COLEC10: variants seen among roughly 807,000 people sequenced by gnomAD.
COLEC10 encodes the protein collectin-10.
COLEC10 carries 22 observed loss-of-function variants against 28.4 expected under a neutral mutation model. The observed-to-expected ratio is 0.78, with a 90% CI of 0.55 to 1.11. The LOEUF is 1.11. Ranked by LOEUF, COLEC10 falls within the 50% of genes least tolerant of loss-of-function variation. The probability of loss-of-function intolerance (pLI) is 0.00; values close to 1 mark genes in which losing one functional copy is unlikely to be tolerated. For synonymous variants in COLEC10, 125 were observed against 116.1 expected, an observed-to-expected ratio of 1.08 and a Z score of -0.49; for missense variants, 361 against 344.1, an observed-to-expected ratio of 1.05 and a Z score of -0.39.
the COLEC10 span, chr8:118,976,450 G>C: frequency 6.6e-6 from 1 of 152,056 alleles, no homozygotes; most frequent in African/African-American, 2.4e-5. Context: ...ATTGTAATGT[G>C]ACTTTCCTTT....
intron 2 of COLEC10, among the ~76,000 whole-genome samples, chr8:119,017,350 T>C (rs1289387410): frequency 6.6e-6 from 1 of 152,332 alleles, no homozygotes; most frequent in African/African-American, 2.4e-5. Context: ...CCTTTGGTGA[T>C]CAGCAATTTA....
At chr8:118,971,371 C>T in the COLEC10 span, among the ~76,000 whole-genome samples, 1 of 151,878 alleles carries the variant, frequency 6.6e-6, no homozygotes, top group African/African-American at 2.4e-5. Context: ...TTCCAGTAAC[C>T]ATATCATCTT....
chr8:119,031,862 T>G (rs932370357), intron 2 of COLEC10, among the ~76,000 whole-genome samples: 3 of 151,800 alleles, frequency 2.0e-5, no homozygotes, highest in African/African-American at 7.3e-5. Context: ...TAATGTCACA[T>G]CTTAAAGAAT....
chr8:119,020,135 C>T lies in COLEC10; in HGVS notation n.235+10582C>T, dbSNP rs560537181. Among the ~76,000 whole-genome samples, 6 of 152,194 alleles carry T rather than the reference C, an allele frequency of 3.9e-5. No homozygotes were observed. In the East Asian group the frequency reaches 1.2e-3, roughly 29 times the overall value. ...CCTTTTTCCCCTCATTTTATCCTGGCCTACCAAGTCCCTAGACATTCAAGG... is the reference window on the plus strand; with the variant it reads ...CCTTTTTCCCCTCATTTTATCCTGGTCTACCAAGTCCCTAGACATTCAAGG... On this transcript the variant is annotated intron_variant and non_coding_transcript_variant, in intron 2 of 6. Transcript: ENST00000521788.
chr8:119,018,017 A>G (rs573011723), intron 2 of COLEC10, among the ~76,000 whole-genome samples: 1 of 152,314 alleles, frequency 6.6e-6, no homozygotes, highest in South Asian at 2.1e-4. Flanking sequence ...GGGAATTTTC[A>G]AAAACATTAT....
At chr8:118,998,054 T>TCAAATTAAAGTGATGTGATTTTGAACAG (rs1442709759) in intron 1 of COLEC10, among the ~76,000 whole-genome samples, 1 of 152,156 alleles carries the variant, frequency 6.6e-6, no homozygotes, top group Non-Finnish European at 1.5e-5. Flanking sequence ...CACAAGTTTA[T>TCAAATTAAAGTGATGTGATTTTGAACAG]CAAATTAAAG....
intron 5 of COLEC10, 37 bp downstream of exon 5, chr8:119,103,932 T>C (rs771027991): frequency 7.7e-6 from 10 of 1,301,490 alleles, no homozygotes; most frequent in African/African-American, 7.3e-5. Context: ...TATCTATTGA[T>C]AGATCTCCAT....
At chr8:119,035,810 T>C (rs1312278325) in intron 2 of COLEC10, among the ~76,000 whole-genome samples, 1 of 152,264 alleles carries the variant, frequency 6.6e-6, no homozygotes, top group Non-Finnish European at 1.5e-5. Flanking sequence ...CCCTGGTAGC[T>C]ATCAAGGATG....
At chr8:119,028,476 G>T (rs917079908) in intron 2 of COLEC10, among the ~76,000 whole-genome samples, 15 of 152,078 alleles carry the variant, frequency 9.9e-5, no homozygotes, top group Non-Finnish European at 2.9e-5. Flanking sequence ...CTTCTTACAT[G>T]GTAGCAGCAA....
chr8:119,051,679 G>A (rs1213628329), intron 2 of COLEC10, among the ~76,000 whole-genome samples: 1 of 152,162 alleles, frequency 6.6e-6, no homozygotes, highest in African/African-American at 2.4e-5. Flanking sequence ...ACAATGAAAA[G>A]CTCATACCAT....
intron 2 of COLEC10, among the ~76,000 whole-genome samples, chr8:119,032,161 G>A (rs534520090): frequency 1.3e-5 from 2 of 152,304 alleles, no homozygotes; most frequent in East Asian, 3.9e-4. Context: ...CTGGTTTACA[G>A]TCTTTTACAC....
intron 2 of COLEC10, among the ~76,000 whole-genome samples, chr8:119,043,156 A>G (rs1814527860): frequency 6.6e-6 from 1 of 152,218 alleles, no homozygotes; most frequent in Non-Finnish European, 1.5e-5. Context: ...GATTTATTAA[A>G]CTAGATAAGG....
chr8:118,993,551 T>C (rs114287981), upstream of COLEC10, among the ~76,000 whole-genome samples: 7,409 of 151,972 alleles, frequency 0.049, 278 homozygotes, highest in East Asian at 0.17. Flanking sequence ...GATGGAGTTT[T>C]TACATGGTGG....
chr8:119,025,236 T>C (rs1257659301), intron 2 of COLEC10, among the ~76,000 whole-genome samples: 1 of 152,200 alleles, frequency 6.6e-6, no homozygotes, highest in Non-Finnish European at 1.5e-5. Flanking sequence ...TTCAATCCAC[T>C]GAGTGGAAAA....
chr8:118,958,933 C>T, the COLEC10 span, among the ~76,000 whole-genome samples: 3 of 152,156 alleles, frequency 2.0e-5, no homozygotes, highest in African/African-American at 4.8e-5. Context: ...GATCTCAAGG[C>T]AGCTGATTCT....
the COLEC10 span, among the ~76,000 whole-genome samples, chr8:118,975,707 A>G: frequency 5.3e-5 from 8 of 152,118 alleles, no homozygotes; most frequent in African/African-American, 1.7e-4. Flanking sequence ...AGAGAGTGAT[A>G]AGATACTTCA....
intron 2 of COLEC10, among the ~76,000 whole-genome samples, chr8:119,055,517 G>A (rs915859609): frequency 6.6e-6 from 1 of 151,948 alleles, no homozygotes; most frequent in African/African-American, 2.4e-5. Context: ...CTCATCCCAG[G>A]AGCAAAATTT....
chr8:119,019,318 G>C (rs1015238462), intron 2 of COLEC10, among the ~76,000 whole-genome samples: 2 of 152,158 alleles, frequency 1.3e-5, no homozygotes, highest in African/African-American at 4.8e-5. Context: ...TCTGTTGCCT[G>C]TCAGTGCAGT....
intron 2 of COLEC10, among the ~76,000 whole-genome samples, chr8:119,042,104 TCC>T (rs1228357164): frequency 6.6e-6 from 1 of 151,734 alleles, no homozygotes; most frequent in African/African-American, 2.4e-5. Context: ...TTCAAGCAAT[TCC>T]CCTGTTTCAG....
Sources: allele counts gnomAD v4.1 joint callset (sites outside exome capture counted in the v4.1 genomes callset), GRCh38; gene constraint gnomAD v4.1.1; transcripts MANE v1.5; gene names NCBI Gene and HGNC (gene_info 2026-07-23, HGNC 2026-07-21).